The following SCHIP1 variants were observed in gnomAD, a reference collection of about 807,000 sequenced individuals.
SCHIP1 encodes schwannomin-interacting protein 1.
A neutral mutation model predicts 29.7 loss-of-function variants in SCHIP1; 8 were observed. That is an observed-to-expected ratio of 0.27 (90% CI 0.16 to 0.49). The LOEUF is 0.49. Ranked by LOEUF, SCHIP1 falls within the 20% of genes least tolerant of loss-of-function variation. The pLI is 0.99. For synonymous variants in SCHIP1, 76 were observed against 94.9 expected (o/e 0.80, Z 1.16); for missense variants, 193 against 294.6 (o/e 0.66, Z 2.52).
chr3:159,306,607 C>T, the SCHIP1 span: 1 of 908,602 alleles, frequency 1.1e-6, no homozygotes, highest in Non-Finnish European at 1.3e-6. Flanking sequence ...AATATACAAA[C>T]ACCTCACTAC....
At chr3:159,478,767 G>A in the SCHIP1 span, among the ~76,000 whole-genome samples, 1 of 151,948 alleles carries the variant, frequency 6.6e-6, no homozygotes, top group African/African-American at 2.4e-5. Flanking sequence ...GCATATTACA[G>A]GTCTTTCACC....
At chr3:159,507,543 C>T in the SCHIP1 span, among the ~76,000 whole-genome samples, 1,109 of 152,220 alleles carry the variant, frequency 7.3e-3, 10 homozygotes, top group African/African-American at 0.025. Context: ...CTGTCTTGTG[C>T]CAGTTTTCAA....
At chr3:159,732,871 T>A in the SCHIP1 span, among the ~76,000 whole-genome samples, 1 of 152,296 alleles carries the variant, frequency 6.6e-6, no homozygotes, top group South Asian at 2.1e-4. Flanking sequence ...GAGGAGAAAG[T>A]ACATGAATGT....
At chr3:159,334,590 C>A in the SCHIP1 span, among the ~76,000 whole-genome samples, 2 of 152,134 alleles carry the variant, frequency 1.3e-5, no homozygotes, top group Non-Finnish European at 2.9e-5. Context: ...CAAATCATCC[C>A]CTAACCCCAA....
At chr3:159,554,769 G>A in the SCHIP1 span, among the ~76,000 whole-genome samples, 5 of 151,736 alleles carry the variant, frequency 3.3e-5, no homozygotes, top group South Asian at 1.0e-3. Flanking sequence ...GCTCATCTCT[G>A]GGCTGCCTTG....
chr3:159,795,452 A>G, the SCHIP1 span, among the ~76,000 whole-genome samples: 1 of 152,240 alleles, frequency 6.6e-6, no homozygotes, highest in Non-Finnish European at 1.5e-5. Flanking sequence ...TGGGATAGGT[A>G]CTTCTGTTGG....
the SCHIP1 span, among the ~76,000 whole-genome samples, chr3:159,328,029 C>G: frequency 1.3e-5 from 2 of 152,182 alleles, no homozygotes; most frequent in Non-Finnish European, 2.9e-5. Context: ...TCAGCAAATA[C>G]TTACTAATAC....
At chr3:159,701,681 C>T in the SCHIP1 span, among the ~76,000 whole-genome samples, 1 of 151,782 alleles carries the variant, frequency 6.6e-6, no homozygotes, top group Non-Finnish European at 1.5e-5. Context: ...ATGTATTTGT[C>T]CATTTTCCTT....
chr3:159,518,138 C>T, the SCHIP1 span, among the ~76,000 whole-genome samples: 1 of 151,878 alleles, frequency 6.6e-6, no homozygotes, highest in East Asian at 1.9e-4. Flanking sequence ...AAGTTGCAGA[C>T]GGATATATAA....
At chr3:159,619,759 T>C in the SCHIP1 span, among the ~76,000 whole-genome samples, 6 of 152,180 alleles carry the variant, frequency 3.9e-5, no homozygotes, top group Non-Finnish European at 7.3e-5. Flanking sequence ...GAGTGAACTG[T>C]TGTGGTTTGC....
At chr3:159,626,917 A>G in the SCHIP1 span, among the ~76,000 whole-genome samples, 16 of 152,200 alleles carry the variant, frequency 1.1e-4, no homozygotes, top group Non-Finnish European at 2.2e-4. Context: ...CAGAATGTGC[A>G]GGTTTTTTAC....
chr3:159,806,507 C>T, the SCHIP1 span, among the ~76,000 whole-genome samples: 1 of 152,182 alleles, frequency 6.6e-6, no homozygotes, highest in African/African-American at 2.4e-5. Flanking sequence ...GTAATTCAAG[C>T]GTGAAATGTG....
In SCHIP1 at chr3:159,859,996, CGT is replaced by C. The variant is rs1029854068; in HGVS notation, c.31-6154_31-6153del. 1.0e-4 allele frequency among the ~76,000 whole-genome samples: 10 copies of C among 99,454 alleles called. No homozygotes were observed. The East Asian group carries it at 1.1e-3, about 11-fold the overall frequency. 65.2% of individuals were successfully genotyped at this position (99,454 alleles called of 152,430 possible). On this transcript the variant is annotated intron_variant, in intron 1 of 6. Transcript: ENST00000445224. ...GACAGGGTGTGTGTGTGTGTGTGTG[CGT>C]GTGTGTGTGTGTCTGTCTGTCTGTC...
chr3:159,547,836 G>A, the SCHIP1 span, among the ~76,000 whole-genome samples: 20 of 152,226 alleles, frequency 1.3e-4, no homozygotes, highest in African/African-American at 4.8e-4. Context: ...TTTGAAGTCA[G>A]GTAGCATGAT....
chr3:159,372,828 ATTTG>A, the SCHIP1 span, among the ~76,000 whole-genome samples: 20 of 152,098 alleles, frequency 1.3e-4, no homozygotes, highest in African/African-American at 4.8e-4. Flanking sequence ...AACCACAACC[ATTTG>A]TGCAATTACA....
the SCHIP1 span, among the ~76,000 whole-genome samples, chr3:159,643,395 G>A: frequency 7.9e-5 from 12 of 152,048 alleles, no homozygotes; most frequent in Non-Finnish European, 1.5e-4. Flanking sequence ...CAGATTTGCA[G>A]TAGCCAAGCC....
the SCHIP1 span, among the ~76,000 whole-genome samples, chr3:159,748,609 G>A: frequency 5.3e-5 from 8 of 152,312 alleles, no homozygotes; most frequent in East Asian, 3.9e-4. Flanking sequence ...TGGGAGCAAC[G>A]TTTGGGCAAT....
chr3:159,792,502 A>G, the SCHIP1 span, among the ~76,000 whole-genome samples: 5 of 152,224 alleles, frequency 3.3e-5, no homozygotes, highest in Non-Finnish European at 7.3e-5. Flanking sequence ...TTTGATAATC[A>G]TCTATGGTTT....
chr3:159,818,532 G>A, the SCHIP1 span, among the ~76,000 whole-genome samples: 1 of 152,236 alleles, frequency 6.6e-6, no homozygotes, highest in African/African-American at 2.4e-5. Flanking sequence ...TGCAGGGCCA[G>A]TGGGGCCACC....
Sources: gnomAD v4.1 joint callset for allele counts (sites outside exome capture counted in the v4.1 genomes callset) on GRCh38, gnomAD v4.1.1 for gene constraint, MANE v1.5 for transcripts, NCBI Gene and HGNC (gene_info 2026-07-23, HGNC 2026-07-21) for gene names.